RAB6B: variants seen among roughly 807,000 people sequenced by gnomAD.
RAB6B encodes ras-related protein Rab-6B.
In RAB6B, 7 loss-of-function variants were observed where a neutral mutation model predicts 31.2. The ratio of observed to expected loss-of-function variants is 0.22; its 90% CI spans 0.13 to 0.42. The LOEUF is 0.42. Ranked by LOEUF, RAB6B falls within the 10% of genes least tolerant of loss-of-function variation. The pLI is 1.00. For synonymous variants in RAB6B, 105 were observed against 104.9 expected (o/e 1.00, Z -0.01); for missense variants, 149 against 280.6 (o/e 0.53, Z 3.35).
In RAB6B at chr3:133,828,431, A is replaced by G. The variant is rs965063744; in HGVS notation, c.*357T>C. The G allele has an allele frequency of 2.6e-6, 1 of 379,270 alleles. No homozygotes were observed. Among genetic ancestry groups the G allele is most frequent in the Non-Finnish European group, 4.8e-6 (1 of 209,854 alleles). 23.5% of individuals were successfully genotyped at this position (379,270 alleles called of 1,614,324 possible). On this transcript the variant is annotated 3_prime_UTR_variant, in exon 8 of 8. Coordinates refer to ENST00000285208, the MANE Select transcript of RAB6B (RefSeq NM_016577.4). ...GAAAAGGTTCTCTATAAGTTTACAA[A>G]TATACAAAAACAAAAAGCACATCTT...
At chr3:133,881,896 T>C (rs996808638) in intron 1 of RAB6B, among the ~76,000 whole-genome samples, 1 of 152,228 alleles carries the variant, frequency 6.6e-6, no homozygotes, top group Middle Eastern at 3.2e-3. Flanking sequence ...ATCTGTTGCT[T>C]TTACAAATAC....
intron 2 of RAB6B, 107 bp from the exon 3 acceptor site, chr3:133,841,770 G>A: frequency 8.9e-7 from 1 of 1,120,180 alleles, no homozygotes. Flanking sequence ...GGACGCTCAT[G>A]TCAGGTCTAA....
At chr3:133,876,575 C>T (rs1936400123) in intron 1 of RAB6B, among the ~76,000 whole-genome samples, 1 of 152,114 alleles carries the variant, frequency 6.6e-6, no homozygotes, top group Non-Finnish European at 1.5e-5. Context: ...AAAATCTTCC[C>T]TAATTATTGA....
chr3:133,891,610 G>C (rs997383547), intron 1 of RAB6B, among the ~76,000 whole-genome samples: 1 of 152,200 alleles, frequency 6.6e-6, no homozygotes, highest in Non-Finnish European at 1.5e-5. Context: ...TAAGTTCCAG[G>C]AGGGCAGGAA....
At chr3:133,841,783 T>G in intron 2 of RAB6B, 120 bp from the exon 3 acceptor site, 1 of 937,948 alleles carries the variant, frequency 1.1e-6, no homozygotes, top group South Asian at 1.6e-5. Flanking sequence ...AGGTCTAATG[T>G]GGCCATGCTC....
At chr3:133,842,073 G>T (rs1044650174) in intron 2 of RAB6B, among the ~76,000 whole-genome samples, 1 of 152,232 alleles carries the variant, frequency 6.6e-6, no homozygotes, top group Non-Finnish European at 1.5e-5. Context: ...CCTAAAGCAT[G>T]GGCCTGGGCT....
At chr3:133,847,998 C>A (rs1220235815) in intron 2 of RAB6B, among the ~76,000 whole-genome samples, 1 of 152,184 alleles carries the variant, frequency 6.6e-6, no homozygotes, top group Admixed American at 6.5e-5. Flanking sequence ...ATATGATATA[C>A]TGATCAGTTC....
chr3:133,829,702 G>C (rs1415549629), intron 7 of RAB6B, among the ~76,000 whole-genome samples: 1 of 152,166 alleles, frequency 6.6e-6, no homozygotes, highest in Non-Finnish European at 1.5e-5. Flanking sequence ...TGCTTTTGTG[G>C]CTCCTATTTG....
Position 133,864,620 on chromosome 3 carries a change from C to G in RAB6B, c.93G>C (p.Thr31=), listed in dbSNP as rs369219557. The change falls in exon 2 of 8, where the codon ACG becomes ACC. Residue 31 remains threonine, a synonymous_variant. Transcript: ENST00000285208. ...EQSVGKTSLI[T]RFMYDSFDNT... ...TGTCGAAGCTGTCGTACATGAACCT[C>G]GTAATCAGAGACGTCTTCCCGACTG... The G allele has an allele frequency of 3.7e-5, 60 of 1,614,058 alleles. No homozygotes were observed. The highest frequency in any genetic ancestry group is 5.0e-5 in the Non-Finnish European group (59 of 1,180,022).
rs1935826419 is a variant in RAB6B, at chr3:133,841,275, C to T, written c.289+10G>A. On this transcript the variant is annotated intron_variant, in intron 4 of 7. Transcript: ENST00000285208. Reference sequence around the variant, plus strand: ...GAGCCACCCTCCCTTAGGAGCAGAGCCTCACTCACTTGTGATGTCGTACAC... The same window carrying T: ...GAGCCACCCTCCCTTAGGAGCAGAGTCTCACTCACTTGTGATGTCGTACAC... The T allele has an allele frequency of 6.2e-7, 1 of 1,613,924 alleles. No individual in the cohort carries two copies. The highest frequency in any genetic ancestry group is 8.5e-7 in the Non-Finnish European group (1 of 1,179,814).
At chr3:133,842,774 C>T (rs1935854817) in intron 2 of RAB6B, among the ~76,000 whole-genome samples, 1 of 152,220 alleles carries the variant, frequency 6.6e-6, no homozygotes, top group East Asian at 1.9e-4. Context: ...GCATCACGGT[C>T]TGAATAGTGA....
At chr3:133,847,254 C>G (rs1318517894) in intron 2 of RAB6B, among the ~76,000 whole-genome samples, 1 of 152,242 alleles carries the variant, frequency 6.6e-6, no homozygotes, top group African/African-American at 2.4e-5. Flanking sequence ...ACAAGAGATG[C>G]TAAGCGACTT....
intron 2 of RAB6B, among the ~76,000 whole-genome samples, chr3:133,855,342 C>G (rs539922140): frequency 6.1e-4 from 93 of 152,392 alleles, no homozygotes; most frequent in Middle Eastern, 3.4e-3. Flanking sequence ...TACTTGCATT[C>G]TTCCAGATAC....
Position 133,876,495 on chromosome 3 carries a change from A to G in RAB6B, c.71-11853T>C, listed in dbSNP as rs1476825977. Among the ~76,000 whole-genome samples, 6 of 152,212 alleles carry G rather than the reference A, an allele frequency of 3.9e-5. No individual in the cohort carries two copies. In the East Asian group the frequency reaches 1.2e-3, roughly 29 times the overall value. ...CTACAAATGCTGAGAGAGATAAAAT[A>G]TAAGGCAAAAGTTATGTAAGCTAAA... On this transcript the variant is annotated intron_variant, in intron 1 of 7. Coordinates refer to ENST00000285208, the MANE Select transcript of RAB6B (RefSeq NM_016577.4).
Position 133,845,025 on chromosome 3 carries a change from T to C in RAB6B, c.130-3362A>G, listed in dbSNP as rs142627933. On this transcript the variant is annotated intron_variant, in intron 2 of 7. Coordinates refer to ENST00000285208, the MANE Select transcript of RAB6B (RefSeq NM_016577.4). ...TAGGCAGATTCTACATTAAATCAAT[T>C]TGCCTCCTGACGAAACTCCCCAGTC... is the stretch of plus-strand genomic sequence containing the variant. Among the ~76,000 whole-genome samples, 436 of 151,716 alleles carry C rather than the reference T, an allele frequency of 2.9e-3. 4 individuals carry two copies. The highest frequency in any genetic ancestry group is 5.0e-3 in the Non-Finnish European group (341 of 67,972).
chr3:133,885,160 C>G (rs1432700746), intron 1 of RAB6B, among the ~76,000 whole-genome samples: 1 of 150,062 alleles, frequency 6.7e-6, no homozygotes, highest in African/African-American at 2.5e-5. Context: ...ATGGGCTGCT[C>G]ACACACCAAT....
rs528054508 is a variant in RAB6B at position 133,828,516 on chromosome 3, T to C, written c.*272A>G. On this transcript the variant is annotated 3_prime_UTR_variant, in exon 8 of 8. Transcript: ENST00000285208. The stretch of plus-strand genomic sequence containing the variant: ...AAATTGTATACACATGATTTAAATT[T>C]TTTTTAAATTTTAACAGTTTTTGGC... The C allele has an allele frequency of 7.3e-5, 35 of 479,280 alleles. No individual in the cohort carries two copies. The highest frequency in any genetic ancestry group is 6.6e-4 in the African/African-American group (33 of 49,894). 29.7% of individuals were successfully genotyped at this position (479,280 alleles called of 1,614,324 possible).
intron 1 of RAB6B, among the ~76,000 whole-genome samples, chr3:133,888,787 TG>T (rs1243055122): frequency 6.6e-6 from 1 of 152,152 alleles, no homozygotes; most frequent in Admixed American, 6.5e-5. Context: ...CCTTAAGAGT[TG>T]TGAGTCTTCA....
At chr3:133,829,357 C>A (rs970621314) in intron 7 of RAB6B, among the ~76,000 whole-genome samples, 22 of 152,188 alleles carry the variant, frequency 1.4e-4, no homozygotes, top group African/African-American at 5.3e-4. Context: ...CTGTAAGAAG[C>A]CACATCCATG....
Sources: allele counts gnomAD v4.1 joint callset (sites outside exome capture counted in the v4.1 genomes callset), GRCh38; gene constraint gnomAD v4.1.1; transcripts MANE v1.5; gene names NCBI Gene and HGNC (gene_info 2026-07-23, HGNC 2026-07-21).